The following ECE1 variants were observed in gnomAD, a reference collection of about 807,000 sequenced individuals.
The protein encoded by ECE1 is endothelin-converting enzyme 1.
In ECE1, 35 loss-of-function variants were observed where a neutral mutation model predicts 98.6. That is an observed-to-expected ratio of 0.35 (90% CI 0.27 to 0.47). The LOEUF is 0.47. Ranked by LOEUF, ECE1 falls within the 20% of genes least tolerant of loss-of-function variation. ECE1 has a pLI of 1.00. For missense variants in ECE1, 814 were observed against 1,025.3 expected, an observed-to-expected ratio of 0.79 and a Z score of 2.81; for synonymous variants, 394 against 407.1, an observed-to-expected ratio of 0.97 and a Z score of 0.39.
chr1:21,343,303 C>A (rs1218172536), intron 1 of ECE1, among the ~76,000 whole-genome samples: 1 of 152,230 alleles, frequency 6.6e-6, no homozygotes. Context: ...AAGTGTTCAA[C>A]ACGTCCTGGC....
At chr1:21,223,040 T>C (rs1418224690) in intron 17 of ECE1, among the ~76,000 whole-genome samples, 1 of 150,600 alleles carries the variant, frequency 6.6e-6, no homozygotes, top group Non-Finnish European at 1.5e-5. Flanking sequence ...ACTGGCACAA[T>C]CTTGGCTCTC....
intron 2 of ECE1, among the ~76,000 whole-genome samples, chr1:21,283,220 T>C (rs1284578043): frequency 2.0e-5 from 3 of 152,038 alleles, no homozygotes; most frequent in Non-Finnish European, 4.4e-5. Flanking sequence ...GCTGGAATTA[T>C]AGGCGTGAGC....
intron 2 of ECE1, chr1:21,280,012 C>CT (rs894985715): frequency 1.3e-5 from 2 of 152,654 alleles, no homozygotes; most frequent in African/African-American, 2.4e-5. Flanking sequence ...GGAGAAATAG[C>CT]TCCATTCAGG....
rs372839931 is a variant in ECE1 at position 21,303,199 on chromosome 1, G to A, written c.4-13043C>T. On this transcript the variant is annotated intron_variant, in intron 1 of 18. Transcript: ENST00000415912. ...GCAATCCCAGCAGGGTGGGGCCGTG[G>A]TACTCTCTCCTCACCTGTTCAGGGA... is the stretch of plus-strand genomic sequence containing the variant. Among the ~76,000 whole-genome samples, 10 of 152,204 alleles carry A rather than the reference G, an allele frequency of 6.6e-5. No homozygotes were observed. In the East Asian group the frequency reaches 7.7e-4, roughly 12 times the overall value.
rs1638619015 is a variant in ECE1, at chr1:21,307,264, T to C, written c.4-17108A>G. On this transcript the variant is annotated intron_variant, in intron 1 of 18. Transcript: ENST00000415912. The surrounding 1 kb of genome is among the most constrained non-coding windows in gnomAD (Gnocchi z 4.2). ...TCACTTTTGCTCTTCACAGCGACTC[T>C]GGGGGGCTGGAGCTAGCATCTCCAC... Among the ~76,000 whole-genome samples, 1 of 152,156 alleles carries C rather than the reference T, an allele frequency of 6.6e-6. No individual in the cohort carries two copies. The highest frequency in any genetic ancestry group is 1.5e-5 in the Non-Finnish European group (1 of 68,014).
intron 3 of ECE1, among the ~76,000 whole-genome samples, chr1:21,278,473 C>T (rs975311633): frequency 2.0e-5 from 3 of 152,182 alleles, no homozygotes; most frequent in African/African-American, 7.2e-5. Flanking sequence ...CGCTCTGGAG[C>T]GTACTTGGAT....
intron 1 of ECE1, chr1:21,298,242 C>T (rs567861928): frequency 2.3e-4 from 39 of 166,318 alleles, no homozygotes; most frequent in East Asian, 9.7e-4. Flanking sequence ...CCCTCCCTCC[C>T]GACTCCCTCA....
At chr1:21,287,291 C>T (rs529657790) in intron 2 of ECE1, among the ~76,000 whole-genome samples, 21 of 152,182 alleles carry the variant, frequency 1.4e-4, no homozygotes, top group African/African-American at 4.3e-4. Flanking sequence ...TTTGGGAGGC[C>T]GAGGCAGGCA....
chr1:21,303,654 G>A lies in ECE1; in HGVS notation c.4-13498C>T, dbSNP rs562081297. Among the ~76,000 whole-genome samples the A allele has an allele frequency of 2.4e-4, 36 of 152,244 alleles. 1 individual carries two copies. The highest frequency in any genetic ancestry group is 8.4e-4 in the African/African-American group (35 of 41,528). On this transcript the variant is annotated intron_variant, in intron 1 of 18. Transcript: ENST00000415912. ...CTACGGCACTAGGAATTTTGTTGTT[G>A]TTGTTGTTTTTTGAGACAGGGTCTC...
intron 4 of ECE1, among the ~76,000 whole-genome samples, chr1:21,268,181 AG>A (rs796979889): frequency 6.6e-6 from 1 of 152,182 alleles, no homozygotes; most frequent in African/African-American, 2.4e-5. Context: ...GAGGCTTTGG[AG>A]GGGGTGGTGT....
In ECE1 at chr1:21,345,397, C is replaced by G. The variant is rs1400114646; in HGVS notation, c.-19G>C. On this transcript the variant is annotated 5_prime_UTR_variant, in exon 1 of 19. Coordinates refer to the ECE1 transcript ENST00000415912. The surrounding 1 kb of genome is among the most constrained non-coding windows in gnomAD (Gnocchi z 5.1). The stretch of plus-strand genomic sequence containing the variant: ...TCACCATAGCTCGCGTGCTCCGCCC[C>G]GGCTTCGCGCAGCTCCCCGCGCCCG... 8 of 1,335,672 alleles carry G rather than the reference C, an allele frequency of 6.0e-6. No homozygotes were observed. In the Admixed American group the frequency reaches 2.1e-4, roughly 35 times the overall value. 82.7% of individuals were successfully genotyped at this position (1,335,672 alleles called of 1,614,324 possible).
intron 4 of ECE1, among the ~76,000 whole-genome samples, chr1:21,264,881 A>C (rs796235352): frequency 4.6e-5 from 7 of 152,150 alleles, no homozygotes; most frequent in African/African-American, 1.4e-4. Context: ...ACTCTTCCCC[A>C]TGGCTGGCTG....
At chr1:21,279,541 C>G (rs2098251929) in intron 2 of ECE1, 15 of 1,452,798 alleles carry the variant, frequency 1.0e-5, no homozygotes, top group Non-Finnish European at 1.3e-5. Flanking sequence ...TCCCAAACAT[C>G]AGAGAGTCAA....
intron 14 of ECE1, among the ~76,000 whole-genome samples, chr1:21,231,664 T>C (rs1329529113): frequency 6.6e-5 from 10 of 151,696 alleles, no homozygotes; most frequent in Non-Finnish European, 1.5e-5. Context: ...TATGTATTTA[T>C]TTATTTTAGA....
Position 21,233,450 on chromosome 1 carries a change from G to T in ECE1, c.1670+108C>A. ...CATCCACTCTTCAGACGGCTCTCGTGATAGCTGATCGGGTGCACAGTGAGG... is the reference window on the plus strand; with the variant it reads ...CATCCACTCTTCAGACGGCTCTCGTTATAGCTGATCGGGTGCACAGTGAGG... On this transcript the variant is annotated intron_variant, in intron 14 of 18. Coordinates refer to ENST00000374893, the MANE Select transcript of ECE1 (RefSeq NM_001397.3). This position sits in a 1 kb window ranked among gnomAD's most constrained non-coding sequence, Gnocchi z 4.0. 2 of 985,596 alleles carry T rather than the reference G, an allele frequency of 2.0e-6. No homozygotes were observed. Among genetic ancestry groups the T allele is most frequent in the Non-Finnish European group, 3.1e-6 (2 of 641,454 alleles). The allele number at this position is 985,596 out of a possible 1,614,324, so 61.1% of individuals were successfully genotyped here.
intron 10 of ECE1, among the ~76,000 whole-genome samples, chr1:21,241,509 G>A (rs2098196314): frequency 7.0e-6 from 1 of 142,796 alleles, no homozygotes; most frequent in Non-Finnish European, 1.5e-5. Context: ...TGCAACCTCT[G>A]CTTCCTAGGT....
At chr1:21,223,380 C>T (rs2098169895) in intron 17 of ECE1, among the ~76,000 whole-genome samples, 1 of 152,176 alleles carries the variant, frequency 6.6e-6, no homozygotes, top group African/African-American at 2.4e-5. Context: ...CCTCTGCCTC[C>T]TGGGTTTAAA....
intron 1 of ECE1, among the ~76,000 whole-genome samples, chr1:21,312,920 C>T (rs1558428254): frequency 6.6e-6 from 1 of 152,276 alleles, no homozygotes; most frequent in Admixed American, 6.5e-5. Context: ...ATCACCAGCA[C>T]TGCTATTTGA....
In ECE1 at chr1:21,319,353, A is replaced by ATAATC. The variant is rs1558431186; in HGVS notation, c.3+26022_3+26023insGATTA. ...GAGCGAGACTCCGTCTCAAAATAAT[A>ATAATC]ATAATCATAATCATAATCATAATCA... On this transcript the variant is annotated intron_variant, in intron 1 of 18. Transcript: ENST00000415912. The surrounding 1 kb of genome is among the most constrained non-coding windows in gnomAD (Gnocchi z 4.4). Among the ~76,000 whole-genome samples, 567 of 150,064 alleles carry ATAATC rather than the reference A, an allele frequency of 3.8e-3. 4 individuals carry two copies. The highest frequency in any genetic ancestry group is 0.013 in the African/African-American group (531 of 40,512).
Sources: allele counts gnomAD v4.1 joint callset (sites outside exome capture counted in the v4.1 genomes callset), GRCh38; gene constraint gnomAD v4.1.1; non-coding constraint Gnocchi (gnomAD v3.1); transcripts MANE v1.5; gene names NCBI Gene and HGNC (gene_info 2026-07-23, HGNC 2026-07-21).